The following CHSY3 variants were observed in gnomAD, a reference collection of about 807,000 sequenced individuals.
CHSY3 encodes chondroitin sulfate synthase 3.
Under a neutral mutation model 67.2 loss-of-function variants are expected in CHSY3, and 35 were observed. The ratio of observed to expected loss-of-function variants is 0.52; its 90% CI spans 0.40 to 0.69. The LOEUF is 0.69. CHSY3 is among the 30% of genes least tolerant of loss of function. The pLI is 0.00. For missense variants in CHSY3, 1,069 were observed against 1,138.5 expected (o/e 0.94, Z 0.88); for synonymous variants, 474 against 434.7 (o/e 1.09, Z -1.12).
intron 2 of CHSY3, among the ~76,000 whole-genome samples, chr5:130,013,842 G>A (rs181853082): frequency 2.4e-4 from 36 of 152,334 alleles, no homozygotes; most frequent in African/African-American, 7.7e-4. Flanking sequence ...AATTTCTGCA[G>A]CCAGTTTTAA....
intron 2 of CHSY3, among the ~76,000 whole-genome samples, chr5:129,970,073 C>G (rs1241428159): frequency 6.6e-6 from 1 of 151,800 alleles, no homozygotes; most frequent in African/African-American, 2.4e-5. Context: ...TCTTTAGTTC[C>G]CCACTTGAAG....
rs537166553 is a variant in CHSY3 at position 130,088,517 on chromosome 5, A to G, written c.1087-95712A>G. 3.8e-4 allele frequency among the ~76,000 whole-genome samples: 58 copies of G among 152,290 alleles called. 1 individual carries two copies. In the South Asian group the frequency reaches 7.7e-3, roughly 20 times the overall value. On this transcript the variant is annotated intron_variant, in intron 2 of 2. Coordinates refer to ENST00000305031, the MANE Select transcript of CHSY3 (RefSeq NM_175856.5). ...TATCCAGAATCTACAATGAACTCCA[A>G]CAGATTTACAAGAAAAAAACAACCC...
At chr5:129,993,070 A>G (rs1763416336) in intron 2 of CHSY3, among the ~76,000 whole-genome samples, 1 of 152,126 alleles carries the variant, frequency 6.6e-6, no homozygotes, top group South Asian at 2.1e-4. Context: ...ATTGTCATTT[A>G]ATTTTCCTTC....
chr5:130,026,105 T>C (rs1341001572), intron 2 of CHSY3, among the ~76,000 whole-genome samples: 3 of 152,274 alleles, frequency 2.0e-5, no homozygotes, highest in Non-Finnish European at 2.9e-5. Flanking sequence ...CACAAGACCA[T>C]GTTACCAAGG....
At chr5:129,917,911 T>C (rs1243258481) in intron 2 of CHSY3, among the ~76,000 whole-genome samples, 1 of 152,218 alleles carries the variant, frequency 6.6e-6, no homozygotes, top group African/African-American at 2.4e-5. Flanking sequence ...CTAATTTGGC[T>C]TCAGGGTTTC....
At chr5:130,011,341 T>C (rs553612305) in intron 2 of CHSY3, among the ~76,000 whole-genome samples, 1 of 152,278 alleles carries the variant, frequency 6.6e-6, no homozygotes, top group Admixed American at 6.5e-5. Flanking sequence ...ATAAATGTGA[T>C]TCATCACATA....
At chr5:130,028,718 T>TTTATTTCTGTCC (rs1274394900) in intron 2 of CHSY3, among the ~76,000 whole-genome samples, 2 of 152,100 alleles carry the variant, frequency 1.3e-5, no homozygotes, top group Non-Finnish European at 2.9e-5. Flanking sequence ...TCTCTCTTTC[T>TTTATTTCTGTCC]TTATTTCTGT....
At chr5:130,020,420 AAAATATATATAT>A (rs1764335243) in intron 2 of CHSY3, among the ~76,000 whole-genome samples, 2 of 59,204 alleles carry the variant, frequency 3.4e-5, no homozygotes, top group African/African-American at 1.3e-4. Flanking sequence ...ACTTCATCTC[AAAATATATATAT>A]ATATATATAT....
intron 2 of CHSY3, among the ~76,000 whole-genome samples, chr5:129,971,261 T>C (rs897113007): frequency 4.6e-5 from 7 of 151,574 alleles, no homozygotes; most frequent in Non-Finnish European, 1.0e-4. Flanking sequence ...TAAAAGATAA[T>C]AGATATTCAA....
At chr5:130,083,681 C>T (rs915063016) in intron 2 of CHSY3, among the ~76,000 whole-genome samples, 2 of 152,112 alleles carry the variant, frequency 1.3e-5, no homozygotes, top group Non-Finnish European at 1.5e-5. Flanking sequence ...CAAGCTTTCT[C>T]CAATGCGTCT....
Position 130,184,645 on chromosome 5 carries a change from G to A in CHSY3, c.1503G>A (p.Gln501=), listed in dbSNP as rs138642837. The change falls in exon 3 of 3, where the codon CAG becomes CAA. Residue 501 remains glutamine (Q), a synonymous_variant. Coordinates refer to ENST00000305031, the MANE Select transcript of CHSY3 (RefSeq NM_175856.5). ...LRTALDDTVL[Q]VMEMINENAK... is the part of the protein sequence containing the mutation. ...CAGCACTGGATGATACCGTCCTACAGGTGATGGAGATGATCAATGAGAATG... is the reference window on the plus strand; with the variant it reads ...CAGCACTGGATGATACCGTCCTACAAGTGATGGAGATGATCAATGAGAATG... 1,949 of 1,605,416 alleles carry A rather than the reference G, an allele frequency of 1.2e-3. 43 individuals are homozygous for A. The East Asian group carries it at 0.039, about 32-fold the overall frequency.
At chr5:130,162,234 G>C (rs1460211020) in intron 2 of CHSY3, among the ~76,000 whole-genome samples, 1 of 151,888 alleles carries the variant, frequency 6.6e-6, no homozygotes, top group African/African-American at 2.4e-5. Context: ...CTTAACCAGA[G>C]ATCCATTTGT....
intron 2 of CHSY3, among the ~76,000 whole-genome samples, chr5:129,968,225 A>G (rs984045687): frequency 1.3e-5 from 2 of 151,794 alleles, no homozygotes; most frequent in Non-Finnish European, 2.9e-5. Flanking sequence ...ATCCACACAT[A>G]AGAATAGACC....
At chr5:129,974,067 C>G (rs903309781) in intron 2 of CHSY3, among the ~76,000 whole-genome samples, 4 of 152,088 alleles carry the variant, frequency 2.6e-5, no homozygotes, top group African/African-American at 9.7e-5. Flanking sequence ...TAAAAATAGC[C>G]TATTATCCCA....
At chr5:129,977,742 T>TCAAA (rs1762855341) in intron 2 of CHSY3, among the ~76,000 whole-genome samples, 2 of 152,020 alleles carry the variant, frequency 1.3e-5, no homozygotes, top group Non-Finnish European at 2.9e-5. Context: ...GTCAAAATAG[T>TCAAA]AGTGGTGAGA....
chr5:130,169,268 C>G (rs980279168), intron 2 of CHSY3, among the ~76,000 whole-genome samples: 1 of 152,076 alleles, frequency 6.6e-6, no homozygotes, highest in African/African-American at 2.4e-5. Flanking sequence ...AAATTTTTCA[C>G]TCTTAAATAT....
intron 2 of CHSY3, among the ~76,000 whole-genome samples, chr5:130,000,989 C>CA (rs909067836): frequency 2.0e-5 from 3 of 151,170 alleles, no homozygotes; most frequent in Admixed American, 2.0e-4. Context: ...CTGCAGGGTT[C>CA]AAACGATTCT....
At chr5:130,180,344 A>G (rs1770206652) in intron 2 of CHSY3, among the ~76,000 whole-genome samples, 1 of 152,104 alleles carries the variant, frequency 6.6e-6, no homozygotes, top group Non-Finnish European at 1.5e-5. Context: ...TTGTTTTCTA[A>G]ATAGCCTCAT....
intron 2 of CHSY3, among the ~76,000 whole-genome samples, chr5:130,018,078 T>C (rs575381986): frequency 3.9e-5 from 6 of 152,304 alleles, no homozygotes; most frequent in Admixed American, 1.3e-4. Context: ...TTAGGTTCTT[T>C]TGTTTTTTAA....
Sources: allele counts gnomAD v4.1 joint callset (sites outside exome capture counted in the v4.1 genomes callset), GRCh38; gene constraint gnomAD v4.1.1; transcripts MANE v1.5; gene names NCBI Gene and HGNC (gene_info 2026-07-23, HGNC 2026-07-21).